TPO: variants seen among roughly 807,000 people sequenced by gnomAD.
TPO encodes thyroid peroxidase.
In TPO, 78 loss-of-function variants were observed where a neutral mutation model predicts 96.9. The observed-to-expected ratio is 0.81, with a 90% CI of 0.67 to 0.97. TPO has a LOEUF of 0.97. Ranked by LOEUF, TPO falls within the 50% of genes least tolerant of loss-of-function variation. The pLI is 0.00. For missense variants in TPO, 1,252 were observed against 1,274.8 expected (o/e 0.98, Z 0.27); for synonymous variants, 547 against 538.0 (o/e 1.02, Z -0.23).
chr2:1,400,370 G>A (rs1344331221), intron 1 of TPO, among the ~76,000 whole-genome samples: 2 of 152,100 alleles, frequency 1.3e-5, no homozygotes, highest in East Asian at 1.9e-4. Context: ...GCATGTGCCT[G>A]TAATCCCAGC....
chr2:1,532,821 C>T (rs1234243570), intron 15 of TPO, among the ~76,000 whole-genome samples: 1 of 70,826 alleles, frequency 1.4e-5, no homozygotes, highest in Non-Finnish European at 2.5e-5. Flanking sequence ...CCTCAAATCC[C>T]CCCACTCTGC....
intron 5 of TPO, 129 bp downstream of exon 5, chr2:1,436,513 TTGGCCTCCCCGACA>T: frequency 2.1e-6 from 3 of 1,446,202 alleles, no homozygotes; most frequent in Non-Finnish European, 2.8e-6. Flanking sequence ...GTTCCTGTCC[TTGGCCTCCCCGACA>T]TGGCCTCCTG....
intron 7 of TPO, among the ~76,000 whole-genome samples, chr2:1,476,007 A>G (rs1425053083): frequency 6.6e-6 from 1 of 152,158 alleles, no homozygotes; most frequent in Non-Finnish European, 1.5e-5. Context: ...GTCTCCCTGC[A>G]CCGCACGGCA....
chr2:1,392,552 T>C (rs1055200360), intron 1 of TPO, among the ~76,000 whole-genome samples: 2 of 152,214 alleles, frequency 1.3e-5, no homozygotes, highest in Non-Finnish European at 2.9e-5. Flanking sequence ...TGTTTTTCTA[T>C]TGATTGGAAT....
chr2:1,424,485 T>C (rs1423536525), intron 3 of TPO, among the ~76,000 whole-genome samples: 2 of 152,164 alleles, frequency 1.3e-5, no homozygotes, highest in Admixed American at 1.3e-4. Context: ...TGGGATCCAC[T>C]CAGGTGGTTA....
At chr2:1,377,802 G>A (rs1169838435) in intron 1 of TPO, among the ~76,000 whole-genome samples, 1 of 152,158 alleles carries the variant, frequency 6.6e-6, no homozygotes, top group Non-Finnish European at 1.5e-5. Context: ...CTTCACCCAG[G>A]ATGTGCTTCC....
chr2:1,525,824 C>A (rs1277147984), intron 15 of TPO, among the ~76,000 whole-genome samples: 1 of 148,930 alleles, frequency 6.7e-6, no homozygotes, highest in Non-Finnish European at 1.5e-5. Context: ...GCAACCTACC[C>A]AAATGCCCCC....
chr2:1,540,766 GGTTGGACAGGAT>G, intron 16 of TPO, 43 bp downstream of exon 16: 8 of 1,613,194 alleles, frequency 5.0e-6, no homozygotes, highest in African/African-American at 2.7e-5. Flanking sequence ...CCACCGCAGT[GGTTGGACAGGAT>G]CTGGGTGTCG....
At chr2:1,481,340 G>A (rs868655125) in intron 8 of TPO, among the ~76,000 whole-genome samples, 1 of 152,236 alleles carries the variant, frequency 6.6e-6, no homozygotes, top group Non-Finnish European at 1.5e-5. Context: ...GAGTCTGGGT[G>A]TGCCATCCAG....
intron 15 of TPO, among the ~76,000 whole-genome samples, chr2:1,535,167 G>A (rs1230339724): frequency 6.4e-5 from 1 of 15,652 alleles, no homozygotes; most frequent in Non-Finnish European, 1.3e-4. Context: ...CCCCCATTGT[G>A]GGCAACCACA....
chr2:1,535,198 A>T (rs1679318092), intron 15 of TPO, among the ~76,000 whole-genome samples: 1 of 98,114 alleles, frequency 1.0e-5, no homozygotes, highest in Non-Finnish European at 1.9e-5. Context: ...CCACTTGTGC[A>T]ACCTCATCAA....
chr2:1,430,403 G>T (rs973762718), intron 3 of TPO, among the ~76,000 whole-genome samples: 38 of 152,232 alleles, frequency 2.5e-4, no homozygotes, highest in Non-Finnish European at 5.6e-4. Context: ...AAAGCCTAGT[G>T]CCCAGGTAGA....
intron 5 of TPO, 118 bp downstream of exon 5, chr2:1,436,502 G>A: frequency 1.3e-6 from 2 of 1,516,264 alleles, no homozygotes; most frequent in Non-Finnish European, 1.8e-6. Flanking sequence ...CTGAGCCCCT[G>A]GTTCCTGTCC....
intron 2 of TPO, among the ~76,000 whole-genome samples, chr2:1,416,094 C>T (rs1221081585): frequency 1.3e-5 from 2 of 152,130 alleles, no homozygotes; most frequent in African/African-American, 4.8e-5. Context: ...TGGAAAATTA[C>T]TCATCGCAGT....
At chr2:1,415,559 G>T (rs1378877991) in intron 2 of TPO, among the ~76,000 whole-genome samples, 1 of 148,526 alleles carries the variant, frequency 6.7e-6, no homozygotes, top group Admixed American at 6.7e-5. Context: ...CAGGTCCCTG[G>T]GTCTCTGGAC....
intron 7 of TPO, among the ~76,000 whole-genome samples, chr2:1,471,735 G>A (rs569973868): frequency 6.6e-6 from 1 of 152,212 alleles, no homozygotes; most frequent in South Asian, 2.1e-4. Flanking sequence ...AGGGGAAAGG[G>A]GGCATGATAA....
chr2:1,523,302 C>A (rs1391465342), intron 15 of TPO, among the ~76,000 whole-genome samples: 1 of 77,306 alleles, frequency 1.3e-5, no homozygotes, highest in African/African-American at 5.0e-5. Flanking sequence ...CCAAATCCCC[C>A]CACTGTGAGC....
chr2:1,475,757 C>T (rs1329918942), intron 7 of TPO, among the ~76,000 whole-genome samples: 10 of 152,200 alleles, frequency 6.6e-5, no homozygotes, highest in Admixed American at 1.3e-4. Context: ...CGGCCGGAAG[C>T]GCTTGTTTAA....
At chr2:1,485,786 T>C (rs1158153853) in intron 9 of TPO, among the ~76,000 whole-genome samples, 1 of 152,218 alleles carries the variant, frequency 6.6e-6, no homozygotes, top group Non-Finnish European at 1.5e-5. Flanking sequence ...TTTGCATTTT[T>C]TGTAGATTCT....
Sources: allele counts gnomAD v4.1 joint callset (sites outside exome capture counted in the v4.1 genomes callset), GRCh38; gene constraint gnomAD v4.1.1; transcripts MANE v1.5; gene names NCBI Gene and HGNC (gene_info 2026-07-23, HGNC 2026-07-21).